Variants in PRICKLE1 observed in about 807,000 individuals in gnomAD.
The protein encoded by PRICKLE1 is prickle-like protein 1.
A neutral mutation model predicts 70.2 loss-of-function variants in PRICKLE1; 14 were observed. The observed-to-expected ratio is 0.20, with a 90% CI of 0.13 to 0.31. The LOEUF (loss-of-function observed/expected upper bound fraction) is 0.31, where lower values mean the gene tolerates loss of function less well. PRICKLE1 is among the 10% of genes least tolerant of loss of function. The pLI is 1.00. For synonymous variants in PRICKLE1, 357 were observed against 379.9 expected (o/e 0.94, Z 0.70); for missense variants, 821 against 1,026.2 (o/e 0.80, Z 2.73).
At chr12:42,548,344 A>G (rs1940248159) in intron 1 of PRICKLE1, among the ~76,000 whole-genome samples, 1 of 152,236 alleles carries the variant, frequency 6.6e-6, no homozygotes, top group African/African-American at 2.4e-5. Flanking sequence ...CAACCTGTAT[A>G]TGCAGTAGAA....
At chr12:42,556,372 G>A (rs1189786614) in intron 1 of PRICKLE1, among the ~76,000 whole-genome samples, 2 of 152,120 alleles carry the variant, frequency 1.3e-5, no homozygotes, top group Non-Finnish European at 2.9e-5. Flanking sequence ...CCACCACCAT[G>A]ACCATCACCA....
chr12:42,577,940 A>G (rs1057113030), intron 1 of PRICKLE1, among the ~76,000 whole-genome samples: 2 of 152,192 alleles, frequency 1.3e-5, no homozygotes, highest in African/African-American at 2.4e-5. Context: ...CTGGCAAACC[A>G]AAGCTCCTTA....
intron 1 of PRICKLE1, among the ~76,000 whole-genome samples, chr12:42,586,211 G>C (rs1398303366): frequency 6.6e-6 from 1 of 152,118 alleles, no homozygotes; most frequent in Non-Finnish European, 1.5e-5. Flanking sequence ...ATCATACATA[G>C]ATTTAGGCAA....
chr12:42,561,074 A>G (rs1940506039), intron 1 of PRICKLE1, among the ~76,000 whole-genome samples: 1 of 152,148 alleles, frequency 6.6e-6, no homozygotes, highest in Admixed American at 6.5e-5. Context: ...TATTAGAAAA[A>G]TCATGTTAGG....
At chr12:42,507,628 A>G (rs1377953754) in intron 1 of PRICKLE1, among the ~76,000 whole-genome samples, 1 of 152,254 alleles carries the variant, frequency 6.6e-6, no homozygotes, top group East Asian at 1.9e-4. Flanking sequence ...ATTGTAAGGA[A>G]GAATTCTTCT....
At chr12:42,497,623 A>G (rs1939230978) in intron 1 of PRICKLE1, among the ~76,000 whole-genome samples, 1 of 152,152 alleles carries the variant, frequency 6.6e-6, no homozygotes, top group Non-Finnish European at 1.5e-5. Context: ...AAAACAATTA[A>G]AATAGTAACA....
chr12:42,521,961 T>C (rs1166925500), intron 1 of PRICKLE1, among the ~76,000 whole-genome samples: 1 of 147,130 alleles, frequency 6.8e-6, no homozygotes, highest in Non-Finnish European at 1.5e-5. Context: ...TGTGTGTGTG[T>C]GTGTGTGTGT....
intron 1 of PRICKLE1, among the ~76,000 whole-genome samples, chr12:42,569,824 T>C (rs767990621): frequency 6.6e-6 from 1 of 152,196 alleles, no homozygotes; most frequent in African/African-American, 2.4e-5. Context: ...AAGATGAGCA[T>C]TGTGGCATTG....
chr12:42,488,820 G>A (rs1479273732), intron 1 of PRICKLE1, among the ~76,000 whole-genome samples: 1 of 152,004 alleles, frequency 6.6e-6, no homozygotes, highest in Non-Finnish European at 1.5e-5. Flanking sequence ...GTTTCCAGGG[G>A]AGGGCAGATT....
intron 1 of PRICKLE1, among the ~76,000 whole-genome samples, chr12:42,473,441 A>G (rs1468992253): frequency 1.3e-5 from 2 of 152,206 alleles, no homozygotes; most frequent in African/African-American, 4.8e-5. Flanking sequence ...AAGGGCTATA[A>G]AAGTGTCAAG....
chr12:42,528,224 T>C (rs1180681282), intron 1 of PRICKLE1, among the ~76,000 whole-genome samples: 1 of 151,794 alleles, frequency 6.6e-6, no homozygotes, highest in African/African-American at 2.4e-5. Context: ...GAGACTACAG[T>C]TGTGCACCAC....
At chr12:42,467,954 G>GAAA (rs1393243882) in intron 5 of PRICKLE1, among the ~76,000 whole-genome samples, 1 of 152,098 alleles carries the variant, frequency 6.6e-6, no homozygotes, top group African/African-American at 2.4e-5. Flanking sequence ...AAAACACTGG[G>GAAA]AAAATCTAAA....
chr12:42,567,510 T>C lies in PRICKLE1; in HGVS notation c.-49+21955A>G, dbSNP rs77324226. Among the ~76,000 whole-genome samples the C allele has an allele frequency of 3.6e-3, 555 of 152,274 alleles. 7 individuals carry two copies. The highest frequency in any genetic ancestry group is 0.034 in the East Asian group (178 of 5,178). On this transcript the variant is annotated intron_variant, in intron 1 of 7. Coordinates refer to ENST00000345127, the MANE Select transcript of PRICKLE1 (RefSeq NM_153026.3). ...TGTAGTATAGGAGCAAAGATATCAA[T>C]GTCCAAGAGAGAAGATAAGAAGTAT... is the stretch of plus-strand genomic sequence containing the variant.
At chr12:42,526,747 C>CT (rs1343835445) in intron 1 of PRICKLE1, among the ~76,000 whole-genome samples, 1 of 98,668 alleles carries the variant, frequency 1.0e-5, no homozygotes, top group East Asian at 3.3e-4. Context: ...AAACACTCCT[C>CT]TAAGCCAAAA....
intron 1 of PRICKLE1, among the ~76,000 whole-genome samples, chr12:42,502,821 A>T (rs183084282): frequency 1.0e-3 from 153 of 152,152 alleles, no homozygotes; most frequent in African/African-American, 3.3e-3. Flanking sequence ...CTAATGCAAA[A>T]CAGGCTAAGA....
At chr12:42,549,087 C>T (rs1475494581) in intron 1 of PRICKLE1, among the ~76,000 whole-genome samples, 36 of 143,284 alleles carry the variant, frequency 2.5e-4, no homozygotes, top group Non-Finnish European at 4.5e-5. Context: ...CCACTGCACT[C>T]CAGCTTGGGC....
At chr12:42,463,967 G>A (rs970798487) in intron 7 of PRICKLE1, among the ~76,000 whole-genome samples, 3 of 152,102 alleles carry the variant, frequency 2.0e-5, no homozygotes, top group Non-Finnish European at 2.9e-5. Context: ...ATTTAAGTGA[G>A]GTTCCTTCCT....
rs554754031 is a variant in PRICKLE1 at position 42,510,542 on chromosome 12, AAAAC to A, written c.-48-37982_-48-37979del. On this transcript the variant is annotated intron_variant, in intron 1 of 7. Transcript: ENST00000345127. ...AGACCCTGTCTTGATTAAATTTTGAAAAACAAACAAACAAAGAGCATTTTTAAGG... is the reference window on the plus strand; with the variant it reads ...AGACCCTGTCTTGATTAAATTTTGAAAAACAAACAAAGAGCATTTTTAAGG... Among the ~76,000 whole-genome samples the A allele has an allele frequency of 2.9e-3, 446 of 152,080 alleles. 4 individuals are homozygous for A. Among genetic ancestry groups the A allele is most frequent in the African/African-American group, 9.1e-3 (377 of 41,538 alleles).
chr12:42,562,582 T>G, intron 1 of PRICKLE1, among the ~76,000 whole-genome samples: 1 of 151,662 alleles, frequency 6.6e-6, no homozygotes, highest in East Asian at 1.9e-4. Context: ...GAGAAATGAT[T>G]AACTGTAAGA....
Sources: allele counts gnomAD v4.1 joint callset (sites outside exome capture counted in the v4.1 genomes callset), GRCh38; gene constraint gnomAD v4.1.1; transcripts MANE v1.5; gene names NCBI Gene and HGNC (gene_info 2026-07-23, HGNC 2026-07-21).